LEKR1: variants seen among roughly 807,000 people sequenced by gnomAD.
LEKR1 encodes the protein protein LEKR1.
A neutral mutation model predicts 72.4 loss-of-function variants in LEKR1; 59 were observed. The observed-to-expected ratio is 0.82, with a 90% CI of 0.66 to 1.01. LEKR1 has a LOEUF of 1.01. Ranked by LOEUF, LEKR1 falls within the 50% of genes least tolerant of loss-of-function variation. The pLI is 0.00. For missense variants in LEKR1, 728 were observed against 759.2 expected (o/e 0.96, Z 0.48); for synonymous variants, 257 against 263.2 (o/e 0.98, Z 0.23).
intron 6 of LEKR1, among the ~76,000 whole-genome samples, chr3:156,960,147 G>C (rs1208900832): frequency 6.6e-6 from 1 of 152,128 alleles, no homozygotes; most frequent in Non-Finnish European, 1.5e-5. Context: ...CTATGATTCT[G>C]GTTCTAACTC....
intron 2 of LEKR1, among the ~76,000 whole-genome samples, chr3:156,840,761 CT>C (rs1344857561): frequency 6.6e-6 from 1 of 152,164 alleles, no homozygotes; most frequent in Non-Finnish European, 1.5e-5. Flanking sequence ...CATAAAAGAC[CT>C]TTTAAATCAT....
Position 157,045,862 on chromosome 3 carries a change from A to G in LEKR1, c.*112A>G. Reference sequence around the variant, plus strand: ...ATAAAATTATTTTCACAGATCAGGAAGGCATACCTATAGATGTATTTAACA... The same window carrying G: ...ATAAAATTATTTTCACAGATCAGGAGGGCATACCTATAGATGTATTTAACA... On this transcript the variant is annotated 3_prime_UTR_variant, in exon 13 of 13. Coordinates refer to ENST00000356539, the MANE Select transcript of LEKR1 (RefSeq NM_001004316.3). 1 of 952,610 alleles carries G rather than the reference A, an allele frequency of 1.0e-6. No individual in the cohort carries two copies. The highest frequency in any genetic ancestry group is 2.5e-5 in the East Asian group (1 of 39,632). The allele number at this position is 952,610 out of a possible 1,614,324, so 59.0% of individuals were successfully genotyped here. A position where few individuals can be genotyped will look rare whatever the true frequency, so the allele number is the denominator to read the frequency against.
intron 5 of LEKR1, among the ~76,000 whole-genome samples, chr3:156,932,785 A>T (rs4458324): frequency 6.6e-6 from 1 of 150,914 alleles, no homozygotes; most frequent in African/African-American, 2.4e-5. Context: ...AATCCCGGCA[A>T]TTTGGGAGGC....
chr3:156,942,590 G>A lies in LEKR1; in HGVS notation c.621G>A (p.Lys207=). 7.9e-7 allele frequency: 1 copy of A among 1,268,608 alleles called. No homozygotes were observed. The highest frequency in any genetic ancestry group is 1.0e-6 in the Non-Finnish European group (1 of 975,650). The allele number at this position is 1,268,608 out of a possible 1,614,324, so 78.6% of individuals were successfully genotyped here. Residue 207 remains lysine (K), a synonymous_variant, in exon 6 of 13, where the codon AAG becomes AAA. Coordinates refer to ENST00000356539, the MANE Select transcript of LEKR1 (RefSeq NM_001004316.3). ...VSQRNKVCLE[K]EMKNLKLLSD... The stretch of plus-strand genomic sequence containing the variant: ...AGAGAAATAAAGTATGCCTTGAAAA[G>A]GAAATGAAAAATCTGAAATTGTTGT...
rs62273959 is a variant in LEKR1 at position 156,852,891 on chromosome 3, G to A, written c.172G>A (p.Val58Ile). 64,929 of 1,534,660 alleles carry A rather than the reference G, an allele frequency of 0.042. 1,580 individuals are homozygous for A. The highest frequency in any genetic ancestry group is 0.05 in the Non-Finnish European group (56,822 of 1,144,982). The change falls in exon 3 of 13, where the codon GTA becomes ATA. Residue 58 changes from valine (V) to isoleucine (I), a missense_variant. Coordinates refer to ENST00000356539, the MANE Select transcript of LEKR1 (RefSeq NM_001004316.3). ...EKEMKFYQGSVDREKRLQEKL... is the reference protein window; with the variant it reads ...EKEMKFYQGSIDREKRLQEKL... ...AGAGATGAAATTTTATCAAGGAAGTGTAGATCGTGAAAAGAGACTTCAAGA... is the reference window on the plus strand; with the variant it reads ...AGAGATGAAATTTTATCAAGGAAGTATAGATCGTGAAAAGAGACTTCAAGA...
At chr3:157,040,699 T>C (rs1301024242) in intron 12 of LEKR1, among the ~76,000 whole-genome samples, 1 of 152,206 alleles carries the variant, frequency 6.6e-6, no homozygotes, top group Non-Finnish European at 1.5e-5. Context: ...ATATATCCAG[T>C]TAAGGCTGGT....
chr3:156,946,424 C>A (rs1726683072), intron 6 of LEKR1, among the ~76,000 whole-genome samples: 1 of 151,410 alleles, frequency 6.6e-6, no homozygotes, highest in Non-Finnish European at 1.5e-5. Flanking sequence ...AATTTGGATG[C>A]CTTTTATTTC....
chr3:156,999,033 A>T (rs1367950360), intron 9 of LEKR1, among the ~76,000 whole-genome samples: 1 of 151,948 alleles, frequency 6.6e-6, no homozygotes, highest in Non-Finnish European at 1.5e-5. Flanking sequence ...ACGAGATCTG[A>T]TGGTTTTATA....
chr3:156,945,221 G>A (rs773635162), intron 6 of LEKR1, among the ~76,000 whole-genome samples: 34 of 151,894 alleles, frequency 2.2e-4, no homozygotes, highest in Admixed American at 3.9e-4. Context: ...GTCTGCTTTT[G>A]AGAAATGTCT....
chr3:157,039,670 T>A (rs1735214638), intron 12 of LEKR1, among the ~76,000 whole-genome samples: 1 of 152,204 alleles, frequency 6.6e-6, no homozygotes, highest in Non-Finnish European at 1.5e-5. Flanking sequence ...GACGGATTCA[T>A]GTAAACTCTA....
chr3:157,024,940 G>T lies in LEKR1; in HGVS notation c.1368+16G>T. On this transcript the variant is annotated intron_variant, in intron 11 of 12. Transcript: ENST00000356539. ...ACAAATGAAGGTCTGTAATTATGAT[G>T]TTCATCATTATTTAATAGATTTGAA... The T allele has an allele frequency of 6.6e-7, 1 of 1,514,246 alleles. No homozygotes were observed. Among genetic ancestry groups the T allele is most frequent in the Non-Finnish European group, 9.0e-7 (1 of 1,106,374 alleles). 93.8% of individuals were successfully genotyped at this position (1,514,246 alleles called of 1,614,324 possible).
intron 1 of LEKR1, chr3:156,826,910 G>A (rs1711679822): frequency 6.4e-6 from 1 of 155,504 alleles, no homozygotes; most frequent in African/African-American, 2.4e-5. Context: ...TGACACTAGT[G>A]TGAGAAACGG....
Position 156,888,334 on chromosome 3 carries a change from G to T in LEKR1, c.264-32241G>T, listed in dbSNP as rs750558685. On this transcript the variant is annotated intron_variant, in intron 3 of 12. Transcript: ENST00000356539. ...CAGACTCATGCTTAGACTGGAAGTA[G>T]AACATTGCCAGCTGAAAGAACGAAT... The T allele has an allele frequency of 8.5e-6, 6 of 702,302 alleles. No individual in the cohort carries two copies. The South Asian group carries it at 8.9e-5, about 10-fold the overall frequency. The allele number at this position is 702,302 out of a possible 1,614,324, so 43.5% of individuals were successfully genotyped here. A position where few individuals can be genotyped will look rare whatever the true frequency, so the allele number is the denominator to read the frequency against.
chr3:157,042,751 T>G (rs1735446023), intron 12 of LEKR1, among the ~76,000 whole-genome samples: 1 of 152,228 alleles, frequency 6.6e-6, no homozygotes, highest in African/African-American at 2.4e-5. Context: ...TTGTTGTGCC[T>G]GTTATTCATG....
At chr3:156,859,979 G>T (rs1241008500) in intron 3 of LEKR1, among the ~76,000 whole-genome samples, 1 of 152,146 alleles carries the variant, frequency 6.6e-6, no homozygotes, top group Non-Finnish European at 1.5e-5. Context: ...ACAGCACCTT[G>T]TCTGGGATAT....
intron 3 of LEKR1, among the ~76,000 whole-genome samples, chr3:156,913,228 G>T (rs1238068438): frequency 1.3e-5 from 2 of 152,070 alleles, no homozygotes; most frequent in African/African-American, 4.8e-5. Context: ...TTTGCAGTAT[G>T]GCTATTTTAA....
intron 5 of LEKR1, among the ~76,000 whole-genome samples, chr3:156,933,524 G>T (rs1222949371): frequency 3.3e-5 from 5 of 152,220 alleles, no homozygotes; most frequent in Non-Finnish European, 7.4e-5. Flanking sequence ...TAAAAGATAT[G>T]AATGTACATG....
intron 9 of LEKR1, among the ~76,000 whole-genome samples, chr3:157,009,584 T>G (rs1016612888): frequency 1.3e-5 from 2 of 152,148 alleles, no homozygotes; most frequent in Admixed American, 6.5e-5. Context: ...TTAAATCTCC[T>G]TTATCTTTAA....
intron 6 of LEKR1, among the ~76,000 whole-genome samples, chr3:156,973,700 G>T (rs755694386): frequency 1.3e-5 from 2 of 152,054 alleles, no homozygotes; most frequent in African/African-American, 2.4e-5. Flanking sequence ...AATTGGAATG[G>T]ATAGAAAAGA....
Sources: gnomAD v4.1 joint callset for allele counts (sites outside exome capture counted in the v4.1 genomes callset) on GRCh38, gnomAD v4.1.1 for gene constraint, MANE v1.5 for transcripts, NCBI Gene and HGNC (gene_info 2026-07-23, HGNC 2026-07-21) for gene names.